Variants in RARB observed in about 807,000 individuals in gnomAD.
The protein encoded by RARB is retinoic acid receptor beta.
RARB carries 17 observed loss-of-function variants against 51.9 expected under a neutral mutation model. That is an observed-to-expected ratio of 0.33 (90% CI 0.22 to 0.49). The LOEUF (loss-of-function observed/expected upper bound fraction) is 0.49, where lower values mean the gene tolerates loss of function less well. RARB is among the 20% of genes least tolerant of loss of function. The probability of loss-of-function intolerance (pLI) is 0.99; values close to 1 mark genes in which losing one functional copy is unlikely to be tolerated. For missense variants in RARB, 369 were observed against 550.8 expected (o/e 0.67, Z 3.30); for synonymous variants, 215 against 195.4 (o/e 1.10, Z -0.84).
intron 5 of RARB, among the ~76,000 whole-genome samples, chr3:25,326,630 G>A (rs1704723731): frequency 6.6e-6 from 1 of 152,114 alleles, no homozygotes; most frequent in Non-Finnish European, 1.5e-5. Context: ...TACCTTGGTG[G>A]TTTCATCATT....
chr3:24,982,600 A>C (rs1696702218), intron 2 of RARB, among the ~76,000 whole-genome samples: 1 of 152,176 alleles, frequency 6.6e-6, no homozygotes, highest in Admixed American at 6.5e-5. Context: ...TTTCTTCTTC[A>C]GACAGAAAAG....
chr3:25,178,802 A>G (rs1700806433), intron 5 of RARB, among the ~76,000 whole-genome samples: 1 of 152,202 alleles, frequency 6.6e-6, no homozygotes, highest in Non-Finnish European at 1.5e-5. Context: ...AGAGCCTGAT[A>G]TGCTATGCCA....
At chr3:24,908,760 A>C (rs13085130) in intron 2 of RARB, among the ~76,000 whole-genome samples, 113,950 of 149,052 alleles carry the variant, frequency 0.76, 44,057 homozygotes, top group East Asian at 0.88. Context: ...AAATGTTGAG[A>C]CCTTAATAGA....
At chr3:25,294,658 C>T (rs1005311896) in intron 5 of RARB, among the ~76,000 whole-genome samples, 1 of 152,180 alleles carries the variant, frequency 6.6e-6, no homozygotes, top group African/African-American at 2.4e-5. Flanking sequence ...GTGGGAGAAG[C>T]CACCTAAGGC....
chr3:24,868,724 A>G (rs1380456275), intron 2 of RARB, among the ~76,000 whole-genome samples: 1 of 152,200 alleles, frequency 6.6e-6, no homozygotes, highest in African/African-American at 2.4e-5. Flanking sequence ...CTTGTGTGAT[A>G]AAACCTTGGT....
At chr3:25,167,160 A>G (rs527993640) in intron 4 of RARB, among the ~76,000 whole-genome samples, 1 of 152,324 alleles carries the variant, frequency 6.6e-6, no homozygotes, top group South Asian at 2.1e-4. Context: ...GAAGACATGT[A>G]GAGCTGAAAA....
In RARB at chr3:25,485,914, C is replaced by T. The variant is rs114437134; in HGVS notation, c.307-15268C>T. On this transcript the variant is annotated intron_variant, in intron 2 of 7. Transcript: ENST00000330688. ...GGTCAGGAGTTCAATTTGAAGCTCA[C>T]ACTGGTTGGGGTTGTGGAGTTTGGA... Among the ~76,000 whole-genome samples the T allele has an allele frequency of 2.9e-3, 444 of 152,264 alleles. 5 individuals carry two copies. The highest frequency in any genetic ancestry group is 0.01 in the African/African-American group (426 of 41,534).
rs114636280 is a variant in RARB, at chr3:25,222,020, T to G, written c.178+47445T>G. Reference sequence around the variant, plus strand: ...AGTTCTTCTGAAGACGGAGCCCTCCTTTCATGGGAGCGTAATCGGAACGAG... The same window carrying G: ...AGTTCTTCTGAAGACGGAGCCCTCCGTTCATGGGAGCGTAATCGGAACGAG... On this transcript the variant is annotated intron_variant, in intron 5 of 11. Coordinates refer to the RARB transcript ENST00000383772. Among the ~76,000 whole-genome samples, 930 of 152,342 alleles carry G rather than the reference T, an allele frequency of 6.1e-3. 6 individuals are homozygous for G. Among genetic ancestry groups the G allele is most frequent in the Non-Finnish European group, 1.0e-2 (679 of 68,032 alleles).
chr3:25,032,957 C>G (rs1394214208), intron 2 of RARB, among the ~76,000 whole-genome samples: 4 of 152,176 alleles, frequency 2.6e-5, no homozygotes, highest in African/African-American at 9.7e-5. Flanking sequence ...ATAAGCAGTA[C>G]TCAGTGAAAC....
At chr3:24,952,278 A>C (rs1695911391) in intron 2 of RARB, among the ~76,000 whole-genome samples, 2 of 152,114 alleles carry the variant, frequency 1.3e-5, no homozygotes, top group Admixed American at 1.3e-4. Context: ...TTACACAATT[A>C]ATGATTAGTG....
chr3:25,115,552 T>C (rs1046380322), intron 3 of RARB, among the ~76,000 whole-genome samples: 2 of 151,984 alleles, frequency 1.3e-5, no homozygotes, highest in African/African-American at 4.8e-5. Flanking sequence ...CTTCTTTGCT[T>C]CTTTTCTCCC....
At chr3:25,217,744 A>G (rs1701865611) in intron 5 of RARB, among the ~76,000 whole-genome samples, 1 of 152,198 alleles carries the variant, frequency 6.6e-6, no homozygotes. Context: ...GAGAATGTGC[A>G]CTAAGCACCT....
chr3:25,194,428 G>A (rs147725338), intron 5 of RARB, among the ~76,000 whole-genome samples: 4 of 151,212 alleles, frequency 2.6e-5, no homozygotes, highest in East Asian at 2.0e-4. Flanking sequence ...GTGATGGATA[G>A]CATAATTTGC....
intron 5 of RARB, among the ~76,000 whole-genome samples, chr3:25,370,918 C>T (rs78968448): frequency 0.02 from 3,018 of 152,224 alleles, 92 homozygotes; most frequent in African/African-American, 0.065. Flanking sequence ...TGGTGACTGC[C>T]GGGGCACCTT....
At chr3:25,507,800 C>T (rs977952469) in intron 3 of RARB, among the ~76,000 whole-genome samples, 5 of 152,120 alleles carry the variant, frequency 3.3e-5, no homozygotes, top group African/African-American at 4.8e-5. Context: ...AATTATGACT[C>T]GGGTGCTGTG....
intron 3 of RARB, among the ~76,000 whole-genome samples, chr3:25,105,932 C>G (rs529010066): frequency 1.3e-5 from 2 of 152,324 alleles, no homozygotes; most frequent in East Asian, 3.9e-4. Context: ...AATGCAACCT[C>G]CAGGCCCATT....
intron 2 of RARB, among the ~76,000 whole-genome samples, chr3:24,971,895 C>T (rs1040295239): frequency 6.6e-6 from 1 of 151,838 alleles, no homozygotes; most frequent in Non-Finnish European, 1.5e-5. Context: ...TATATTGATA[C>T]ATAATGGATG....
At chr3:25,524,620 C>CCCTCCCTGCCTCCCTCCTT (rs1436377803) in intron 3 of RARB, among the ~76,000 whole-genome samples, 9 of 143,140 alleles carry the variant, frequency 6.3e-5, no homozygotes, top group African/African-American at 2.0e-4. Context: ...CTCCCTTCCT[C>CCCTCCCTGCCTCCCTCCTT]CCTCCCTGCC....
intron 5 of RARB, among the ~76,000 whole-genome samples, chr3:25,329,849 C>T (rs915404884): frequency 7.2e-5 from 11 of 152,038 alleles, no homozygotes; most frequent in South Asian, 2.1e-4. Flanking sequence ...AACCATGGCA[C>T]GAGAACTACG....
Sources: allele counts gnomAD v4.1 joint callset (sites outside exome capture counted in the v4.1 genomes callset), GRCh38; gene constraint gnomAD v4.1.1; transcripts MANE v1.5; gene names NCBI Gene and HGNC (gene_info 2026-07-23, HGNC 2026-07-21).